The following ASXL1 variants were observed in gnomAD, a reference collection of about 807,000 sequenced individuals.
ASXL1 encodes the protein polycomb group protein ASXL1.
Under a neutral mutation model 89.1 loss-of-function variants are expected in ASXL1, and 65 were observed. The ratio of observed to expected loss-of-function variants is 0.73; its 90% CI spans 0.60 to 0.90. ASXL1 has a LOEUF of 0.90. Among genes scored for constraint, ASXL1 ranks in the 40% least tolerant of loss-of-function variants. The pLI, the probability that ASXL1 is intolerant of heterozygous loss-of-function variation, is 0.00. For missense variants in ASXL1, 1,786 were observed against 1,942.9 expected (o/e 0.92, Z 1.52); for synonymous variants, 739 against 746.9 (o/e 0.99, Z 0.17).
chr20:32,369,610 A>C (rs1488046710), intron 4 of ASXL1, among the ~76,000 whole-genome samples: 1 of 151,696 alleles, frequency 6.6e-6, no homozygotes, highest in Non-Finnish European at 1.5e-5. Flanking sequence ...AGATATTAGA[A>C]ATTATTTAGT....
At chr20:32,426,581 G>A (rs1213092440) in intron 4 of ASXL1, among the ~76,000 whole-genome samples, 2 of 51,628 alleles carry the variant, frequency 3.9e-5, no homozygotes, top group African/African-American at 1.1e-4. Flanking sequence ...TTTTTTTTGA[G>A]ATGGAGTCTT....
intron 4 of ASXL1, among the ~76,000 whole-genome samples, chr20:32,399,745 CTCTTTTTTTTTTTTTT>C (rs1402884412): frequency 9.0e-5 from 6 of 66,614 alleles, no homozygotes; most frequent in African/African-American, 1.8e-4. Context: ...ACATATTTTA[CTCTTTTTTTTTTTTTT>C]TTTTTTTTTT....
intron 8 of ASXL1, 50 bp downstream of exon 8, chr20:32,430,103 G>C (rs1038225510): frequency 1.9e-6 from 3 of 1,575,014 alleles, no homozygotes; most frequent in African/African-American, 2.7e-5. Context: ...GCCCCTGCAG[G>C]CCTAGTGAGA....
At chr20:32,367,492 C>CTT (rs2048225741) in intron 2 of ASXL1, among the ~76,000 whole-genome samples, 1 of 152,214 alleles carries the variant, frequency 6.6e-6, no homozygotes, top group Non-Finnish European at 1.5e-5. Context: ...GCTAGTCAAA[C>CTT]TTAGCTGCTT....
chr20:32,380,286 T>C (rs1201653237), intron 4 of ASXL1, among the ~76,000 whole-genome samples: 1 of 151,632 alleles, frequency 6.6e-6, no homozygotes, highest in African/African-American at 2.4e-5. Context: ...GTCCCTCCCA[T>C]AAAAAAAAGA....
At chr20:32,427,024 T>TA (rs2011332087) in intron 4 of ASXL1, 1 of 152,208 alleles carries the variant, frequency 6.6e-6, no homozygotes, top group South Asian at 2.1e-4. Flanking sequence ...ATCATGACTT[T>TA]ATCAACTCTT....
chr20:32,377,100 TATATA>T (rs893746164), intron 4 of ASXL1, among the ~76,000 whole-genome samples: 79 of 125,000 alleles, frequency 6.3e-4, no homozygotes, highest in African/African-American at 2.2e-3. Context: ...ATCTATATTA[TATATA>T]ATATATTAAT....
intron 4 of ASXL1, among the ~76,000 whole-genome samples, chr20:32,418,809 C>CTTTTTTTTTTTTTTTTT (rs71338437): frequency 1.1e-4 from 6 of 55,698 alleles, no homozygotes; most frequent in African/African-American, 1.3e-4. Context: ...GAATTGACAT[C>CTTTTTTTTTTTTTTTTT]TTTTTTTTTT....
At chr20:32,424,462 G>A (rs1384124683) in intron 4 of ASXL1, among the ~76,000 whole-genome samples, 3 of 152,152 alleles carry the variant, frequency 2.0e-5, no homozygotes, top group African/African-American at 4.8e-5. Flanking sequence ...TTGAACCCAG[G>A]AGGAGGAGGT....
chr20:32,434,426 T>C lies in ASXL1; in HGVS notation c.1720-6T>C. Reference sequence around the variant, plus strand: ...TTAAAACTATTTTCTAATTCTTTTTTTGCAGATTCAACTTTCACGTATCAA... The same window carrying C: ...TTAAAACTATTTTCTAATTCTTTTTCTGCAGATTCAACTTTCACGTATCAA... On this transcript the variant is annotated splice_region_variant and splice_polypyrimidine_tract_variant and intron_variant, in intron 12 of 12. Coordinates refer to ENST00000375687, the MANE Select transcript of ASXL1 (RefSeq NM_015338.6). 6.2e-6 allele frequency: 10 copies of C among 1,613,872 alleles called. No homozygotes were observed. The highest frequency in any genetic ancestry group is 2.2e-5 in the East Asian group (1 of 44,888).
intron 4 of ASXL1, among the ~76,000 whole-genome samples, chr20:32,399,887 G>A (rs914687912): frequency 4.1e-5 from 6 of 147,260 alleles, no homozygotes; most frequent in Non-Finnish European, 8.9e-5. Context: ...TCAGCCTCCC[G>A]AGTAGCTGGG....
rs776902032 is a variant in ASXL1 at position 32,370,965 on chromosome 20, T to TAAA, written c.252+1863_252+1865dup. Among the ~76,000 whole-genome samples, 140 of 87,384 alleles carry TAAA rather than the reference T, an allele frequency of 1.6e-3. 1 individual carries two copies. The highest frequency in any genetic ancestry group is 4.3e-3 in the African/African-American group (101 of 23,254). 57.3% of individuals were successfully genotyped at this position (87,384 alleles called of 152,430 possible). A position where few individuals can be genotyped will look rare whatever the true frequency, so the allele number is the denominator to read the frequency against. On this transcript the variant is annotated intron_variant, in intron 4 of 12. Coordinates refer to ENST00000375687, the MANE Select transcript of ASXL1 (RefSeq NM_015338.6). ...CAGGAGTATGAGACCTTGTCTCTAT[T>TAAA]AAAAAAAAAAAAAAAAAAAAAAAGC...
chr20:32,377,621 A>G (rs1451275972), intron 4 of ASXL1, among the ~76,000 whole-genome samples: 2 of 152,066 alleles, frequency 1.3e-5, no homozygotes, highest in African/African-American at 4.8e-5. Flanking sequence ...TTTGTGTTTC[A>G]TATTTATCTT....
chr20:32,384,981 A>C (rs1380568397), intron 4 of ASXL1, among the ~76,000 whole-genome samples: 2 of 152,160 alleles, frequency 1.3e-5, no homozygotes, highest in African/African-American at 4.8e-5. Flanking sequence ...GAAAAAAAAA[A>C]AACTTTTCTT....
intron 1 of ASXL1, among the ~76,000 whole-genome samples, chr20:32,363,117 G>A (rs530345596): frequency 1.3e-5 from 2 of 152,248 alleles, no homozygotes; most frequent in South Asian, 2.1e-4. Flanking sequence ...AGAGCTGGAG[G>A]CATAAACAGT....
chr20:32,428,293 TAGGG>T (rs746933839), intron 5 of ASXL1, 28 bp from the exon 6 acceptor site: 1 of 1,614,170 alleles, frequency 6.2e-7, no homozygotes, highest in Non-Finnish European at 8.5e-7. Flanking sequence ...CAGCAGGCAC[TAGGG>T]ACTAACCTTT....
Position 32,436,452 on chromosome 20 carries a change from G to A in ASXL1, c.3740G>A (p.Arg1247His), listed in dbSNP as rs760905906. ...AGTTGTGAAGATCAGAAGGAAGTCC[G>A]TGCTATGTCACAGGACAGTAATTCA... ...SFSCEDQKEV[R>H]AMSQDSNSNA... Residue 1247 changes from arginine to histidine, a missense_variant, in exon 13 of 13, where the codon CGT becomes CAT. Coordinates refer to ENST00000375687, the MANE Select transcript of ASXL1 (RefSeq NM_015338.6). The A allele has an allele frequency of 1.6e-5, 26 of 1,613,974 alleles. No homozygotes were observed. Among genetic ancestry groups the A allele is most frequent in the East Asian group, 2.2e-5 (1 of 44,898 alleles).
chr20:32,368,752 T>G (rs2048246228), intron 3 of ASXL1, among the ~76,000 whole-genome samples: 1 of 152,192 alleles, frequency 6.6e-6, no homozygotes, highest in African/African-American at 2.4e-5. Context: ...GAAATTTGAT[T>G]TATATTGTCA....
rs1180789984 is a variant in ASXL1 at position 32,436,596 on chromosome 20, G to A, written c.3884G>A (p.Ser1295Asn). The A allele has an allele frequency of 2.5e-6, 4 of 1,614,204 alleles. No homozygotes were observed. The highest frequency in any genetic ancestry group is 2.7e-5 in the African/African-American group (2 of 75,068). Residue 1295 changes from serine (S) to asparagine (N), a missense_variant, in exon 13 of 13, where the codon AGC becomes AAC. Coordinates refer to ENST00000375687, the MANE Select transcript of ASXL1 (RefSeq NM_015338.6). ...ACAGGTCGGGCCCTGGGTGATCAGA[G>A]CAATGTTACAGGCCAAGGGAAGAAG... ...EQTGRALGDQ[S>N]NVTGQGKKLF...
Sources: allele counts gnomAD v4.1 joint callset (sites outside exome capture counted in the v4.1 genomes callset), GRCh38; gene constraint gnomAD v4.1.1; transcripts MANE v1.5; gene names NCBI Gene and HGNC (gene_info 2026-07-23, HGNC 2026-07-21).